The following AP4M1 variants were observed in gnomAD, a reference collection of about 807,000 sequenced individuals.
The protein encoded by AP4M1 is AP-4 complex subunit mu-1.
Under a neutral mutation model 62.4 loss-of-function variants are expected in AP4M1, and 58 were observed. The observed-to-expected ratio is 0.93, with a 90% confidence interval of 0.75 to 1.16. AP4M1 has a LOEUF of 1.16. AP4M1 is among the 50% of genes most tolerant of loss of function. The pLI is 0.00. For synonymous variants in AP4M1, 290 were observed against 239.7 expected (o/e 1.21, Z -1.94); for missense variants, 626 against 585.4 (o/e 1.07, Z -0.72).
At position 100,108,930 on chromosome 7, in the gene AP4M1, A is replaced by C. The variant is rs1472800920; in HGVS notation, c.*2048A>C. ...TCCCAGCTACTGGGGAGGTTGAGGT[A>C]CTAGAATGCTTGAACCCAGGTGGTG... On this transcript the variant is annotated 3_prime_UTR_variant, in exon 15 of 15. Coordinates refer to ENST00000359593, the MANE Select transcript of AP4M1 (RefSeq NM_004722.4). The C allele has an allele frequency of 6.1e-6, 1 of 163,362 alleles. No individual in the cohort carries two copies. Among genetic ancestry groups the C allele is most frequent in the Non-Finnish European group, 1.3e-5 (1 of 75,586 alleles). The allele number at this position is 163,362 out of a possible 1,614,324, so 10.1% of individuals were successfully genotyped here.
At position 100,107,203 on chromosome 7, in the gene AP4M1, C is replaced by T. The variant is rs752655731; in HGVS notation, c.*321C>T. The T allele has an allele frequency of 2.3e-5, 35 of 1,519,092 alleles. No individual in the cohort carries two copies. Among genetic ancestry groups the T allele is most frequent in the Non-Finnish European group, 2.7e-5 (31 of 1,136,586 alleles). The allele number at this position is 1,519,092 out of a possible 1,614,324, so 94.1% of individuals were successfully genotyped here. A position where few individuals can be genotyped will look rare whatever the true frequency, so the allele number is the denominator to read the frequency against. On this transcript the variant is annotated 3_prime_UTR_variant, in exon 15 of 15. Transcript: ENST00000359593. ...GCATGTGTGTACGTGCACGTGTGTA[C>T]ATGTCTGCATGTGTGGGAATCCGGG...
In AP4M1 at chr7:100,106,783, C is replaced by T. The variant is rs775943746; in HGVS notation, c.1263C>T (p.Val421=). 1 of 1,614,106 alleles carries T rather than the reference C, an allele frequency of 6.2e-7. No homozygotes were observed. Among genetic ancestry groups the T allele is most frequent in the African/African-American group, 1.3e-5 (1 of 75,072 alleles). ...LPRHTCSGLQ[V]RFLRLAFRPC... ...GGCACACGTGCTCTGGCCTCCAGGT[C>T]CGATTCCTCAGGCTGGCCTTCAGGC... The change falls in exon 15 of 15, where the codon GTC becomes GTT. Residue 421 remains valine (V), a synonymous_variant. Transcript: ENST00000359593.
chr7:100,103,060 C>A, intron 4 of AP4M1, 100 bp downstream of exon 4: 4 of 729,778 alleles, frequency 5.5e-6, no homozygotes, highest in Non-Finnish European at 8.8e-6. Context: ...GCCAAGTCTA[C>A]CTTTTTTTTT....
intron 11 of AP4M1, 39 bp from the exon 12 acceptor site, chr7:100,105,920 A>C: frequency 6.2e-7 from 1 of 1,612,542 alleles, no homozygotes; most frequent in South Asian, 1.1e-5. Context: ...ATGCCAGTAG[A>C]AGATGGCCTG....
In AP4M1 at chr7:100,105,331, A is replaced by G. The variant is rs1796373211; in HGVS notation, c.819A>G (p.Gln273=). The change falls in exon 10 of 15, where the codon CAA becomes CAG. Residue 273 remains glutamine (Q), a synonymous_variant. Coordinates refer to ENST00000359593, the MANE Select transcript of AP4M1 (RefSeq NM_004722.4). The part of the protein sequence containing the change: ...EFESHRILRL[Q]PPQGELTVMR... ...AGTCTCATCGAATCCTCCGCTTGCA[A>G]CCACCTCAGGGCGAGGTCAGGGTTG... The G allele has an allele frequency of 3.3e-5, 54 of 1,613,966 alleles. No individual in the cohort carries two copies. Among genetic ancestry groups the G allele is most frequent in the Non-Finnish European group, 4.5e-5 (53 of 1,179,980 alleles).
Position 100,106,839 on chromosome 7 carries a change from T to C in AP4M1, c.1319T>C (p.Val440Ala), listed in dbSNP as rs758044607. The C allele has an allele frequency of 1.2e-6, 2 of 1,613,912 alleles. No individual in the cohort carries two copies. Among genetic ancestry groups the C allele is most frequent in the Non-Finnish European group, 1.7e-6 (2 of 1,180,034 alleles). The change falls in exon 15 of 15, where the codon GTG (valine) becomes GCG (alanine). Residue 440 changes from valine to alanine, a missense_variant. Transcript: ENST00000359593. ...PCGNANPHKW[V>A]RHLSHSDAYV... Reference sequence around the variant, plus strand: ...GGCAATGCCAACCCCCACAAGTGGGTGCGACACCTAAGCCACAGCGACGCC... The same window carrying C: ...GGCAATGCCAACCCCCACAAGTGGGCGCGACACCTAAGCCACAGCGACGCC...
intron 7 of AP4M1, 74 bp downstream of exon 7, chr7:100,104,228 C>G (rs1796289861): frequency 5.4e-6 from 7 of 1,295,898 alleles, no homozygotes; most frequent in Middle Eastern, 3.7e-4. Flanking sequence ...GCTAAGACTC[C>G]CAGCAACGGC....
At chr7:100,105,148 T>C in intron 9 of AP4M1, 50 bp downstream of exon 9, 1 of 1,612,924 alleles carries the variant, frequency 6.2e-7, no homozygotes, top group South Asian at 1.1e-5. Flanking sequence ...ATTGCCAGAG[T>C]TCATGGAGAG....
rs749666042 is a variant in AP4M1 at position 100,108,552 on chromosome 7, A to G, written c.*1670A>G. On this transcript the variant is annotated 3_prime_UTR_variant, in exon 15 of 15. Coordinates refer to ENST00000359593, the MANE Select transcript of AP4M1 (RefSeq NM_004722.4). ...GGAGCACAGTGTTTCTGCAGAACAG[A>G]AAAAAAGCCAGGTAGAGGGAGGGCT... 2 of 1,582,464 alleles carry G rather than the reference A, an allele frequency of 1.3e-6. No individual in the cohort carries two copies. Among genetic ancestry groups the G allele is most frequent in the Non-Finnish European group, 1.7e-6 (2 of 1,158,908 alleles).
rs1796710728 is a variant in AP4M1 at position 100,107,872 on chromosome 7, GCT to G, written c.*993_*994del. 6.4e-7 allele frequency: 1 copy of G among 1,553,870 alleles called. No individual in the cohort carries two copies. Among genetic ancestry groups the G allele is most frequent in the Admixed American group, 1.8e-5 (1 of 55,590 alleles). ...CTCTACTCCTGGGCCTCCCCAGGGT[GCT>G]CTGAGGTAACCCAGGCCCTCCAGAT... On this transcript the variant is annotated 3_prime_UTR_variant, in exon 15 of 15. Transcript: ENST00000359593.
rs1447423697 is a variant in AP4M1 at position 100,102,324 on chromosome 7, G to A, written c.148-351G>A. 2.3e-5 allele frequency: 12 copies of A among 516,160 alleles called. No homozygotes were observed. In the South Asian group the frequency reaches 2.4e-4, roughly 10 times the overall value. 32.0% of individuals were successfully genotyped at this position (516,160 alleles called of 1,614,324 possible). On this transcript the variant is annotated intron_variant, in intron 2 of 14. Coordinates refer to ENST00000359593, the MANE Select transcript of AP4M1 (RefSeq NM_004722.4). ...GAGAATCGCTTGAATCCAAGAGGCAGAGGTTGCAGTGAGCCGAGATCCGGA... is the reference window on the plus strand; with the variant it reads ...GAGAATCGCTTGAATCCAAGAGGCAAAGGTTGCAGTGAGCCGAGATCCGGA...
In AP4M1 at chr7:100,107,598, G is replaced by A; in HGVS notation, c.*716G>A. 1.2e-6 allele frequency: 2 copies of A among 1,613,468 alleles called. No individual in the cohort carries two copies. Among genetic ancestry groups the A allele is most frequent in the Non-Finnish European group, 1.7e-6 (2 of 1,179,836 alleles). ...CGAAGTGGTGGTGGAACCTGAGCCG[G>A]GGGCCGAGGTGCTGAGGGACAGGAC... is the stretch of plus-strand genomic sequence containing the variant. On this transcript the variant is annotated 3_prime_UTR_variant, in exon 15 of 15. Coordinates refer to ENST00000359593, the MANE Select transcript of AP4M1 (RefSeq NM_004722.4).
rs1203788532 is a variant in AP4M1 at position 100,102,709 on chromosome 7, A to G, written c.182A>G (p.His61Arg). 6.2e-7 allele frequency: 1 copy of G among 1,614,128 alleles called. No individual in the cohort carries two copies. Among genetic ancestry groups the G allele is most frequent in the East Asian group, 2.2e-5 (1 of 44,890 alleles). Residue 61 changes from histidine to arginine, a missense_variant, in exon 3 of 15, where the codon CAC (histidine) becomes CGC (arginine). Coordinates refer to ENST00000359593, the MANE Select transcript of AP4M1 (RefSeq NM_004722.4). The part of the protein sequence containing the change: ...HHGRHFIHIR[H>R]SGLYLVVTTS... ...GGCCGTCATTTCATTCACATCAGACACAGCGGCCTCTATTTGGTGGTCACA... is the reference window on the plus strand; with the variant it reads ...GGCCGTCATTTCATTCACATCAGACGCAGCGGCCTCTATTTGGTGGTCACA...
In AP4M1 at chr7:100,108,221, C is replaced by T; in HGVS notation, c.*1339C>T. Reference sequence around the variant, plus strand: ...CTCCCCTCGCTCTTCCTCAGTGGCTCTCACTAGGGCTGGGGCATCCTCACT... The same window carrying T: ...CTCCCCTCGCTCTTCCTCAGTGGCTTTCACTAGGGCTGGGGCATCCTCACT... On this transcript the variant is annotated 3_prime_UTR_variant, in exon 15 of 15. Transcript: ENST00000359593. 1.4e-6 allele frequency: 2 copies of T among 1,462,378 alleles called. No individual in the cohort carries two copies. The highest frequency in any genetic ancestry group is 1.8e-6 in the Non-Finnish European group (2 of 1,099,606). The allele number at this position is 1,462,378 out of a possible 1,614,324, so 90.6% of individuals were successfully genotyped here. A position where few individuals can be genotyped will look rare whatever the true frequency, so the allele number is the denominator to read the frequency against.
rs1298071889 is a variant in AP4M1 at position 100,101,883 on chromosome 7, G to C, written c.62G>C (p.Arg21Pro). The C allele has an allele frequency of 6.2e-7, 1 of 1,613,274 alleles. No individual in the cohort carries two copies. The highest frequency in any genetic ancestry group is 2.2e-5 in the East Asian group (1 of 44,892). ...KGDPLIYKDF[R>P]GDSGGRDVAE... ...ACTGAGTCCTTCCACCCGCCAGTCC[G>C]CGGGGACAGTGGCGGCCGGGATGTG... Residue 21 changes from arginine to proline, a missense_variant, in exon 2 of 15, where the codon CGC becomes CCC. Coordinates refer to ENST00000359593, the MANE Select transcript of AP4M1 (RefSeq NM_004722.4).
intron 11 of AP4M1, among the ~76,000 whole-genome samples, 177 bp downstream of exon 11, chr7:100,105,716 G>T (rs1276307066): frequency 1.3e-5 from 2 of 152,014 alleles, no homozygotes. Flanking sequence ...GGAGGCTGAG[G>T]CGGGAGGATC....
chr7:100,101,499 G>A (rs934807779), upstream of AP4M1: 74 of 793,640 alleles, frequency 9.3e-5, no homozygotes, highest in Non-Finnish European at 1.3e-4. Context: ...CAATCACCGT[G>A]CGGGCCTAGA....
intron 12 of AP4M1, 116 bp from the exon 13 acceptor site, chr7:100,106,125 G>A: frequency 5.2e-6 from 8 of 1,545,650 alleles, no homozygotes; most frequent in Non-Finnish European, 6.3e-6. Context: ...GGTAGAGGCT[G>A]TAGAATTTGG....
chr7:100,103,325 AGTGAGTCACC>A (rs1796211500), intron 4 of AP4M1, 74 bp from the exon 5 acceptor site: 1 of 1,186,726 alleles, frequency 8.4e-7, no homozygotes, highest in Non-Finnish European at 1.2e-6. Flanking sequence ...AGAGTACAGG[AGTGAGTCACC>A]ATGCCTGGCC....
Sources: gnomAD v4.1 joint callset for allele counts (sites outside exome capture counted in the v4.1 genomes callset) on GRCh38, gnomAD v4.1.1 for gene constraint, MANE v1.5 for transcripts, NCBI Gene and HGNC (gene_info 2026-07-23, HGNC 2026-07-21) for gene names.